The following PSMD1 variants were observed in gnomAD, a reference collection of about 807,000 sequenced individuals.
The protein encoded by PSMD1 is proteasome 26S subunit, non-ATPase 1, also known as 26S proteasome non-ATPase regulatory subunit 1.
Under a neutral mutation model 119.0 loss-of-function variants are expected in PSMD1, and 18 were observed. The ratio of observed to expected loss-of-function variants is 0.15; its 90% CI spans 0.10 to 0.22. PSMD1 has a LOEUF of 0.22. Ranked by LOEUF, PSMD1 falls within the 10% of genes least tolerant of loss-of-function variation. The pLI is 1.00. For missense variants in PSMD1, 702 were observed against 1,158.5 expected, an observed-to-expected ratio of 0.61 and a Z score of 5.72; for synonymous variants, 374 against 396.6, an observed-to-expected ratio of 0.94 and a Z score of 0.68.
At chr2:231,144,904 C>A (rs543040657) in intron 17 of PSMD1, among the ~76,000 whole-genome samples, 2 of 152,206 alleles carry the variant, frequency 1.3e-5, no homozygotes, top group South Asian at 2.1e-4. Flanking sequence ...ACATAAAATA[C>A]CTAGTACTGT....
At chr2:231,123,889 C>T (rs1028596473) in intron 16 of PSMD1, 5 of 762,874 alleles carry the variant, frequency 6.6e-6, no homozygotes, top group Non-Finnish European at 9.2e-6. Flanking sequence ...AAGTTGACAC[C>T]TTCCTTTAAA....
In PSMD1 at chr2:231,145,894, CAAAAAAAAAA is replaced by C. The variant is rs36124651; in HGVS notation, c.1999-327_1999-318del. The stretch of plus-strand genomic sequence containing the variant: ...GGTGACAAGAGTTGAAGCTACATCT[CAAAAAAAAAA>C]AAAAAAAAAAAAAAAAAATTGTACC... On this transcript the variant is annotated intron_variant, in intron 17 of 24. Coordinates refer to ENST00000308696, the MANE Select transcript of PSMD1 (RefSeq NM_002807.4). 1.5e-3 allele frequency among the ~76,000 whole-genome samples: 71 copies of C among 46,556 alleles called. No homozygotes were observed. The East Asian group carries it at 0.022, about 15-fold the overall frequency. The allele number at this position is 46,556 out of a possible 152,430, so 30.5% of individuals were successfully genotyped here.
rs938601867 is a variant in PSMD1, at chr2:231,170,053, C to G, written c.2716-513C>G. The stretch of plus-strand genomic sequence containing the variant: ...CTCGTGTTCAAAATGATTATCATCT[C>G]ACAAATCATACAGTGTGCATTAGAC... On this transcript the variant is annotated intron_variant, in intron 23 of 24. Transcript: ENST00000308696. This position sits in a 1 kb window ranked among gnomAD's most constrained non-coding sequence, Gnocchi z 4.1. Among the ~76,000 whole-genome samples the G allele has an allele frequency of 4.6e-5, 7 of 152,166 alleles. No homozygotes were observed. Among genetic ancestry groups the G allele is most frequent in the African/African-American group, 1.4e-4 (6 of 41,430 alleles).
intron 16 of PSMD1, among the ~76,000 whole-genome samples, chr2:231,103,662 T>C (rs1462237529): frequency 6.6e-6 from 1 of 152,222 alleles, no homozygotes; most frequent in Non-Finnish European, 1.5e-5. Context: ...TTTGGTTTCA[T>C]AATTACATAC....
intron 17 of PSMD1, among the ~76,000 whole-genome samples, chr2:231,143,802 C>G (rs1416624344): frequency 2.0e-5 from 3 of 152,108 alleles, no homozygotes; most frequent in Non-Finnish European, 2.9e-5. Context: ...TAAAGGACTT[C>G]TTTTTTCATA....
chr2:231,061,881 C>T (rs1559215291), intron 2 of PSMD1, among the ~76,000 whole-genome samples: 1 of 152,130 alleles, frequency 6.6e-6, no homozygotes, highest in East Asian at 1.9e-4. Flanking sequence ...TTCCCCCGCC[C>T]CAGTTTCATT....
chr2:231,073,201 A>G (rs1170697395), intron 7 of PSMD1, among the ~76,000 whole-genome samples: 1 of 152,210 alleles, frequency 6.6e-6, no homozygotes, highest in Admixed American at 6.5e-5. Context: ...GTGGTGTCCC[A>G]AAACAACTAC....
intron 16 of PSMD1, among the ~76,000 whole-genome samples, chr2:231,098,470 T>G (rs1694779794): frequency 6.6e-6 from 1 of 151,524 alleles, no homozygotes; most frequent in Non-Finnish European, 1.5e-5. Flanking sequence ...TGTCTCTTTC[T>G]CTCTCTCTCT....
At chr2:231,131,394 T>C (rs13030315) in intron 16 of PSMD1, among the ~76,000 whole-genome samples, 1 of 152,352 alleles carries the variant, frequency 6.6e-6, no homozygotes, top group African/African-American at 2.4e-5. Context: ...TATATCTCTG[T>C]GTGTATATAT....
At chr2:231,105,646 A>G (rs918417856) in intron 16 of PSMD1, among the ~76,000 whole-genome samples, 1 of 152,180 alleles carries the variant, frequency 6.6e-6, no homozygotes, top group Non-Finnish European at 1.5e-5. Context: ...ATAAATTCAT[A>G]AGCTTTTAGA....
intron 16 of PSMD1, among the ~76,000 whole-genome samples, chr2:231,099,735 C>T (rs1035683008): frequency 2.0e-5 from 3 of 152,170 alleles, no homozygotes; most frequent in Non-Finnish European, 4.4e-5. Context: ...CACTGGAAAT[C>T]TCTGCCTTTT....
chr2:231,138,880 T>C (rs1559246762), intron 17 of PSMD1, 30 bp downstream of exon 17: 1 of 1,516,876 alleles, frequency 6.6e-7, no homozygotes, highest in South Asian at 1.1e-5. Flanking sequence ...GGGTCAGTTC[T>C]TTCTTGGCGC....
intron 23 of PSMD1, among the ~76,000 whole-genome samples, chr2:231,166,817 G>A (rs377398312): frequency 2.6e-4 from 39 of 152,226 alleles, no homozygotes; most frequent in African/African-American, 9.4e-4. Context: ...TGGGTCAAAG[G>A]CAACTCCTAT....
intron 17 of PSMD1, among the ~76,000 whole-genome samples, chr2:231,141,664 G>C (rs1696119704): frequency 6.6e-6 from 1 of 151,098 alleles, no homozygotes; most frequent in Non-Finnish European, 1.5e-5. Context: ...ACCACCACCT[G>C]ATATATTTTA....
intron 16 of PSMD1, among the ~76,000 whole-genome samples, chr2:231,135,297 C>A (rs1695941975): frequency 6.6e-6 from 1 of 151,904 alleles, no homozygotes; most frequent in Admixed American, 6.6e-5. Context: ...GAAAAGTTGT[C>A]CTATAATAAT....
At chr2:231,113,854 A>G in intron 16 of PSMD1, 2 of 1,614,152 alleles carry the variant, frequency 1.2e-6, no homozygotes, top group Non-Finnish European at 1.7e-6. Context: ...GAGATGCATG[A>G]TGGATGCGGT....
chr2:231,070,810 CT>C (rs1452082929), intron 6 of PSMD1, among the ~76,000 whole-genome samples: 2 of 151,964 alleles, frequency 1.3e-5, no homozygotes, highest in African/African-American at 4.8e-5. Context: ...CATGGGTTTA[CT>C]TTTTAACAAT....
intron 18 of PSMD1, among the ~76,000 whole-genome samples, chr2:231,149,038 A>G (rs1465654335): frequency 6.6e-6 from 1 of 152,254 alleles, no homozygotes; most frequent in African/African-American, 2.4e-5. Flanking sequence ...AATTCAAAAG[A>G]GAAATTTCTC....
At chr2:231,059,852 A>G (rs1430369725) in intron 1 of PSMD1, among the ~76,000 whole-genome samples, 1 of 152,216 alleles carries the variant, frequency 6.6e-6, no homozygotes, top group Non-Finnish European at 1.5e-5. Flanking sequence ...TTTGTTTTTA[A>G]GATGGGAAAT....
Sources: gnomAD v4.1 joint callset for allele counts (sites outside exome capture counted in the v4.1 genomes callset) on GRCh38, gnomAD v4.1.1 for gene constraint, Gnocchi (gnomAD v3.1) non-coding constraint, MANE v1.5 for transcripts, NCBI Gene and HGNC (gene_info 2026-07-23, HGNC 2026-07-21) for gene names.